Variants in PLCL1 observed in about 807,000 individuals in gnomAD.
The protein encoded by PLCL1 is phospholipase C like 1 (inactive).
In PLCL1, 41 loss-of-function variants were observed where a neutral mutation model predicts 84.4. That is an observed-to-expected ratio of 0.49 (90% CI 0.38 to 0.63). The LOEUF (loss-of-function observed/expected upper bound fraction) is 0.63, where lower values mean the gene tolerates loss of function less well. PLCL1 is among the 30% of genes least tolerant of loss of function. PLCL1 has a pLI of 0.00. For missense variants in PLCL1, 1,206 were observed against 1,367.8 expected, an observed-to-expected ratio of 0.88 and a Z score of 1.87; for synonymous variants, 490 against 488.3, an observed-to-expected ratio of 1.00 and a Z score of -0.05.
At chr2:197,905,072 T>A (rs1688351452) in intron 1 of PLCL1, among the ~76,000 whole-genome samples, 1 of 152,210 alleles carries the variant, frequency 6.6e-6, no homozygotes, top group South Asian at 2.1e-4. Flanking sequence ...TTTCTCCTTT[T>A]TTAATTTTAA....
At chr2:198,000,344 A>G (rs1171768404) in intron 1 of PLCL1, among the ~76,000 whole-genome samples, 1 of 152,012 alleles carries the variant, frequency 6.6e-6, no homozygotes. Flanking sequence ...ATCTGGCTAT[A>G]TTGTGTGATG....
rs1172865259 is a variant in PLCL1 at position 198,084,719 on chromosome 2, C to T, written c.1202C>T (p.Thr401Ile). 5 of 1,613,834 alleles carry T rather than the reference C, an allele frequency of 3.1e-6. No homozygotes were observed. In the Admixed American group the frequency reaches 8.3e-5, roughly 27 times the overall value. ...PEQKKVAQDMTQPLSHYYINA... is the reference protein window; with the variant it reads ...PEQKKVAQDMIQPLSHYYINA... ...CAAAAGAAGGTTGCCCAAGATATGA[C>T]CCAGCCATTATCTCACTACTATATC... is the stretch of plus-strand genomic sequence containing the variant. Residue 401 changes from threonine (T) to isoleucine (I), a missense_variant, in exon 2 of 6, where the codon ACC (threonine) becomes ATC (isoleucine). Transcript: ENST00000428675.
chr2:197,816,604 C>A (rs1690694998), intron 1 of PLCL1, among the ~76,000 whole-genome samples: 1 of 151,804 alleles, frequency 6.6e-6, no homozygotes, highest in South Asian at 2.1e-4. Flanking sequence ...TAAGGATGGA[C>A]CATTACTTAA....
chr2:197,947,919 G>C (rs1350004957), intron 1 of PLCL1, among the ~76,000 whole-genome samples: 1 of 152,172 alleles, frequency 6.6e-6, no homozygotes, highest in East Asian at 1.9e-4. Flanking sequence ...TTTATTTCAA[G>C]TGTCATGAAA....
intron 1 of PLCL1, among the ~76,000 whole-genome samples, chr2:197,890,769 TAC>T (rs1211000180): frequency 2.0e-5 from 3 of 146,784 alleles, no homozygotes; most frequent in African/African-American, 7.5e-5. Flanking sequence ...TATACATATA[TAC>T]ACATATATAT....
chr2:197,964,333 G>GTATTT (rs1051018459), intron 1 of PLCL1, among the ~76,000 whole-genome samples: 7 of 151,850 alleles, frequency 4.6e-5, no homozygotes, highest in Non-Finnish European at 7.4e-5. Flanking sequence ...TAATTCCTGG[G>GTATTT]TATTTTATTT....
At chr2:197,823,358 C>CTA (rs1415314239) in intron 1 of PLCL1, among the ~76,000 whole-genome samples, 6 of 151,708 alleles carry the variant, frequency 4.0e-5, no homozygotes, top group Admixed American at 6.6e-5. Flanking sequence ...TTGTCTCTCT[C>CTA]TATATATATA....
chr2:197,913,231 T>C (rs956039333), intron 1 of PLCL1, among the ~76,000 whole-genome samples: 5 of 152,190 alleles, frequency 3.3e-5, no homozygotes, highest in African/African-American at 1.2e-4. Context: ...TTGGAAGATA[T>C]CCATGTATAT....
intron 1 of PLCL1, among the ~76,000 whole-genome samples, chr2:198,074,611 C>A (rs1692536290): frequency 6.6e-6 from 1 of 152,136 alleles, no homozygotes; most frequent in African/African-American, 2.4e-5. Context: ...TGCACTCCAG[C>A]CTGAGCGACA....
intron 1 of PLCL1, among the ~76,000 whole-genome samples, chr2:198,043,881 C>CTTTTTTTTTTT (rs397800019): frequency 7.2e-5 from 9 of 124,782 alleles, no homozygotes; most frequent in Non-Finnish European, 1.3e-4. Context: ...AATTCTTGTT[C>CTTTTTTTTTTT]TTTTTTTTTT....
intron 1 of PLCL1, among the ~76,000 whole-genome samples, chr2:197,973,149 G>T (rs1689904214): frequency 6.6e-6 from 1 of 152,178 alleles, no homozygotes; most frequent in South Asian, 2.1e-4. Flanking sequence ...TCTTCATGAG[G>T]CGAGTCCCTA....
At chr2:198,090,832 C>T (rs1693010041) in intron 3 of PLCL1, among the ~76,000 whole-genome samples, 1 of 152,098 alleles carries the variant, frequency 6.6e-6, no homozygotes, top group Non-Finnish European at 1.5e-5. Flanking sequence ...CAGGGAGGTC[C>T]CTGAAGCTGG....
chr2:197,972,277 T>A (rs1689885934), intron 1 of PLCL1, among the ~76,000 whole-genome samples: 1 of 152,212 alleles, frequency 6.6e-6, no homozygotes, highest in South Asian at 2.1e-4. Flanking sequence ...TCTGGAAAAC[T>A]TGGAACTCTA....
chr2:198,027,216 G>A (rs1691290043), intron 1 of PLCL1, among the ~76,000 whole-genome samples: 1 of 152,170 alleles, frequency 6.6e-6, no homozygotes. Flanking sequence ...CGACATGGAT[G>A]AACCTGGAGG....
intron 1 of PLCL1, among the ~76,000 whole-genome samples, chr2:197,844,060 A>G (rs1268636855): frequency 6.6e-6 from 1 of 152,184 alleles, no homozygotes; most frequent in Admixed American, 6.6e-5. Context: ...ATTTTCTGTA[A>G]AGTAACTTTT....
intron 1 of PLCL1, among the ~76,000 whole-genome samples, chr2:197,808,701 T>A (rs1200962672): frequency 1.3e-5 from 2 of 152,208 alleles, no homozygotes; most frequent in African/African-American, 4.8e-5. Flanking sequence ...TGTAGTGCAG[T>A]AATAATTGTA....
Position 197,835,317 on chromosome 2 carries a change from G to A in PLCL1, c.240+29978G>A, listed in dbSNP as rs141613562. Among the ~76,000 whole-genome samples, 160 of 152,238 alleles carry A rather than the reference G, an allele frequency of 1.1e-3. 1 individual carries two copies. The highest frequency in any genetic ancestry group is 3.7e-3 in the African/African-American group (152 of 41,540). ...AATAAAAAAACCATAGTGTTAAAAT[G>A]TGCATAACAGAAATTTTTACCATTT... On this transcript the variant is annotated intron_variant, in intron 1 of 5. Coordinates refer to ENST00000428675, the MANE Select transcript of PLCL1 (RefSeq NM_006226.4).
At chr2:197,866,425 A>G (rs935130998) in intron 1 of PLCL1, among the ~76,000 whole-genome samples, 1 of 151,960 alleles carries the variant, frequency 6.6e-6, no homozygotes, top group African/African-American at 2.4e-5. Flanking sequence ...TAGTGGATAA[A>G]CAAGAATAGG....
Position 197,982,595 on chromosome 2 carries a change from G to C in PLCL1, c.241-101163G>C, listed in dbSNP as rs112268931. On this transcript the variant is annotated intron_variant, in intron 1 of 5. Transcript: ENST00000428675. ...TTTTACGAATCTCAAAAATTTGAAA[G>C]CTACTGACCATTCTGGAAAATAATC... Among the ~76,000 whole-genome samples, 953 of 152,252 alleles carry C rather than the reference G, an allele frequency of 6.3e-3. 11 individuals are homozygous for C. Among genetic ancestry groups the C allele is most frequent in the African/African-American group, 0.022 (909 of 41,532 alleles).
Sources: allele counts gnomAD v4.1 joint callset (sites outside exome capture counted in the v4.1 genomes callset), GRCh38; gene constraint gnomAD v4.1.1; transcripts MANE v1.5; gene names NCBI Gene and HGNC (gene_info 2026-07-23, HGNC 2026-07-21).